Variants in CPNE4 observed in about 807,000 individuals in gnomAD.
CPNE4 encodes the protein copine 4, also known as copine-4.
CPNE4 carries 25 observed loss-of-function variants against 67.9 expected under a neutral mutation model. The observed-to-expected ratio is 0.37, with a 90% CI of 0.27 to 0.51. CPNE4 has a LOEUF of 0.51. Among genes scored for constraint, CPNE4 ranks in the 20% least tolerant of loss-of-function variants. The pLI is 0.93. For missense variants in CPNE4, 464 were observed against 690.8 expected, an observed-to-expected ratio of 0.67 and a Z score of 3.68; for synonymous variants, 242 against 244.9, an observed-to-expected ratio of 0.99 and a Z score of 0.11.
At chr3:131,645,269 T>A (rs2079637337) in intron 7 of CPNE4, among the ~76,000 whole-genome samples, 1 of 152,188 alleles carries the variant, frequency 6.6e-6, no homozygotes, top group East Asian at 1.9e-4. Context: ...ACAGATAATA[T>A]CTCTGCATCT....
chr3:131,685,901 T>C lies in CPNE4; in HGVS notation c.565A>G (p.Thr189Ala). 1 of 1,613,250 alleles carries C rather than the reference T, an allele frequency of 6.2e-7. No individual in the cohort carries two copies. Among genetic ancestry groups the C allele is most frequent in the Non-Finnish European group, 8.5e-7 (1 of 1,179,272 alleles). ...TCAGTTCGGTGCACCAGCTGCTGAGTTGCATCATCATTCATACGAAAAATT... is the reference window on the plus strand; with the variant it reads ...TCAGTTCGGTGCACCAGCTGCTGAGCTGCATCATCATTCATACGAAAAATT... ...LEIFRMNDDA[T>A]QQLVHRTEVV... The change falls in exon 6 of 16, where the codon ACT becomes GCT. Residue 189 changes from threonine to alanine, a missense_variant. By Grantham distance (58) the Thr-to-Ala change is moderately conservative. Around this residue, in one of 6 missense-constraint regions of CPNE4, gnomAD observed 58 missense variants for 63.5 expected, o/e 0.91. Transcript: ENST00000429747.
At chr3:131,666,364 C>T (rs1202714383) in intron 7 of CPNE4, among the ~76,000 whole-genome samples, 1 of 151,970 alleles carries the variant, frequency 6.6e-6, no homozygotes, top group Non-Finnish European at 1.5e-5. Context: ...ACCTTAAATA[C>T]TATGGAGAGG....
chr3:131,738,416 G>A (rs2082286766), intron 2 of CPNE4, among the ~76,000 whole-genome samples: 1 of 152,126 alleles, frequency 6.6e-6, no homozygotes, highest in South Asian at 2.1e-4. Flanking sequence ...ACCAGTGGGC[G>A]ACCAAAGGAA....
rs139081467 is a variant in CPNE4 at position 131,668,340 on chromosome 3, C to A, written c.681+1335G>T. On this transcript the variant is annotated intron_variant, in intron 7 of 15. Coordinates refer to ENST00000429747, the MANE Select transcript of CPNE4 (RefSeq NM_130808.3). ...AAGTAGTGAGGAAAATGTAAAACTA[C>A]TAAGGCAAACATCATCAATGTCCAG... 2.5e-3 allele frequency among the ~76,000 whole-genome samples: 383 copies of A among 152,272 alleles called. 3 individuals carry two copies. Among genetic ancestry groups the A allele is most frequent in the Non-Finnish European group, 3.1e-3 (214 of 68,020 alleles).
chr3:131,871,079 A>T (rs1460302574), intron 2 of CPNE4, among the ~76,000 whole-genome samples: 1 of 152,144 alleles, frequency 6.6e-6, no homozygotes, highest in East Asian at 1.9e-4. Context: ...GGGGGAAAAG[A>T]GATATGAAGG....
rs754207289 is a variant in CPNE4 at position 131,723,488 on chromosome 3, C to T, written c.318G>A (p.Lys106=). The T allele has an allele frequency of 2.5e-6, 4 of 1,613,638 alleles. No homozygotes were observed. In the East Asian group the frequency reaches 6.7e-5, roughly 27 times the overall value. Reference sequence around the variant, plus strand: ...CCATGCCACCAAGGAAGTCGGCCTCCTTCAGCCCATTGTGGTTGCTGCTGA... The same window carrying T: ...CCATGCCACCAAGGAAGTCGGCCTCTTTCAGCCCATTGTGGTTGCTGCTGA... ...HDISSNHNGL[K]EADFLGGMEC... is the part of the protein sequence containing the mutation. The change falls in exon 3 of 16, where the codon AAG becomes AAA. Residue 106 remains lysine, a synonymous_variant. Transcript: ENST00000429747.
intron 1 of CPNE4, among the ~76,000 whole-genome samples, chr3:132,001,828 A>G (rs975757329): frequency 2.6e-5 from 4 of 152,112 alleles, no homozygotes; most frequent in African/African-American, 9.7e-5. Flanking sequence ...AGTCCCTCCA[A>G]ATTACAGTAG....
At chr3:131,883,324 T>TC (rs2087754254) in intron 2 of CPNE4, among the ~76,000 whole-genome samples, 1 of 152,182 alleles carries the variant, frequency 6.6e-6, no homozygotes, top group Non-Finnish European at 1.5e-5. Flanking sequence ...GATTCTTGAC[T>TC]CCTCATTTTC....
At chr3:131,812,834 C>T (rs965636457) in intron 2 of CPNE4, among the ~76,000 whole-genome samples, 4 of 151,950 alleles carry the variant, frequency 2.6e-5, no homozygotes, top group African/African-American at 9.7e-5. Context: ...TTAATGTCTT[C>T]ACAAAAAGGG....
At chr3:131,622,806 G>A (rs1386877126) in intron 7 of CPNE4, among the ~76,000 whole-genome samples, 1 of 152,166 alleles carries the variant, frequency 6.6e-6, no homozygotes, top group Non-Finnish European at 1.5e-5. Flanking sequence ...GGAGATAGCT[G>A]CAAGGCCCAT....
intron 2 of CPNE4, among the ~76,000 whole-genome samples, chr3:131,746,735 G>A (rs1200293517): frequency 6.6e-6 from 1 of 152,154 alleles, no homozygotes; most frequent in Non-Finnish European, 1.5e-5. Context: ...ATAGAGATAG[G>A]AGTGCAGATA....
intron 7 of CPNE4, among the ~76,000 whole-genome samples, chr3:131,631,812 T>G (rs1055685447): frequency 2.0e-5 from 3 of 151,530 alleles, no homozygotes; most frequent in African/African-American, 7.3e-5. Flanking sequence ...TGGAAGGAGA[T>G]TTTAGATTTT....
At chr3:131,550,338 A>T (rs1936103404) in intron 13 of CPNE4, among the ~76,000 whole-genome samples, 1 of 152,132 alleles carries the variant, frequency 6.6e-6, no homozygotes, top group Non-Finnish European at 1.5e-5. Context: ...TTTATATATA[A>T]GATTTCATTC....
chr3:131,833,347 G>C (rs565684507), intron 2 of CPNE4, among the ~76,000 whole-genome samples: 15 of 152,158 alleles, frequency 9.9e-5, no homozygotes, highest in Non-Finnish European at 1.5e-5. Flanking sequence ...AATATCTACA[G>C]CTAAGCATTC....
chr3:131,948,193 A>G (rs949065094), intron 1 of CPNE4, among the ~76,000 whole-genome samples: 1 of 152,090 alleles, frequency 6.6e-6, no homozygotes, highest in Non-Finnish European at 1.5e-5. Context: ...TTGAATTTTA[A>G]TCCCCATAGT....
intron 10 of CPNE4, among the ~76,000 whole-genome samples, chr3:131,573,779 G>A (rs187383948): frequency 8.0e-4 from 122 of 152,170 alleles, no homozygotes; most frequent in African/African-American, 2.7e-3. Flanking sequence ...TATCCTCAGC[G>A]AACATGCTTG....
rs1935061041 is a variant in CPNE4 at position 131,535,128 on chromosome 3, A to G, written c.*67T>C. The G allele has an allele frequency of 4.8e-6, 7 of 1,456,606 alleles. No homozygotes were observed. Among genetic ancestry groups the G allele is most frequent in the African/African-American group, 1.4e-5 (1 of 70,794 alleles). 90.2% of individuals were successfully genotyped at this position (1,456,606 alleles called of 1,614,324 possible). A position where few individuals can be genotyped will look rare whatever the true frequency, so the allele number is the denominator to read the frequency against. The stretch of plus-strand genomic sequence containing the variant: ...TGGTTTTTTAAAGTACAGGAGTAGT[A>G]GAAGTATTAAATATGAAATATTAGC... On this transcript the variant is annotated 3_prime_UTR_variant, in exon 16 of 16. Coordinates refer to ENST00000429747, the MANE Select transcript of CPNE4 (RefSeq NM_130808.3).
At chr3:131,622,603 G>A (rs80062299) in intron 7 of CPNE4, among the ~76,000 whole-genome samples, 6,223 of 152,252 alleles carry the variant, frequency 0.041, 414 homozygotes, top group African/African-American at 0.14. Context: ...TGGAAAACTT[G>A]TTTAATATAT....
chr3:131,831,105 GTA>G (rs1286442739), intron 2 of CPNE4, among the ~76,000 whole-genome samples: 1 of 151,902 alleles, frequency 6.6e-6, no homozygotes, highest in African/African-American at 2.4e-5. Flanking sequence ...AGTTCATCTA[GTA>G]TATAACATTG....
Sources: allele counts gnomAD v4.1 joint callset (sites outside exome capture counted in the v4.1 genomes callset), GRCh38; gene constraint gnomAD v4.1.1; regional missense constraint gnomAD v4.1.1; transcripts MANE v1.5; gene names NCBI Gene and HGNC (gene_info 2026-07-23, HGNC 2026-07-21).